Variants in CEP112 observed in about 807,000 individuals in gnomAD.
CEP112 encodes the protein centrosomal protein of 112 kDa.
CEP112 carries 127 observed loss-of-function variants against 153.0 expected under a neutral mutation model. That is an observed-to-expected ratio of 0.83 (90% confidence interval 0.72 to 0.96). The LOEUF (loss-of-function observed/expected upper bound fraction) is 0.96, where lower values mean the gene tolerates loss of function less well. Ranked by LOEUF, CEP112 falls within the 40% of genes least tolerant of loss-of-function variation. The pLI, the probability that CEP112 is intolerant of heterozygous loss-of-function variation, is 0.00. For missense variants in CEP112, 1,089 were observed against 1,101.2 expected, an observed-to-expected ratio of 0.99 and a Z score of 0.16; for synonymous variants, 358 against 374.4, an observed-to-expected ratio of 0.96 and a Z score of 0.51.
intron 21 of CEP112, among the ~76,000 whole-genome samples, chr17:65,824,030 A>T (rs1243292476): frequency 6.6e-6 from 1 of 152,212 alleles, no homozygotes; most frequent in Non-Finnish European, 1.5e-5. Flanking sequence ...TTTGGGAGAC[A>T]GTTTGGCAGT....
At chr17:65,658,294 G>A (rs2143767585) in intron 24 of CEP112, among the ~76,000 whole-genome samples, 1 of 152,352 alleles carries the variant, frequency 6.6e-6, no homozygotes, top group Non-Finnish European at 1.5e-5. Flanking sequence ...CAGGAGAGGA[G>A]ATTCTGGGAT....
At chr17:66,141,541 T>A (rs1027243244) in intron 4 of CEP112, among the ~76,000 whole-genome samples, 7 of 152,282 alleles carry the variant, frequency 4.6e-5, no homozygotes, top group Non-Finnish European at 7.4e-5. Context: ...TGAAATTTTA[T>A]ATGCATTGAA....
chr17:65,905,433 T>C (rs2060034098), intron 19 of CEP112, among the ~76,000 whole-genome samples: 1 of 152,124 alleles, frequency 6.6e-6, no homozygotes. Context: ...ATGGTGATCA[T>C]AAAAAGTCAG....
intron 24 of CEP112, among the ~76,000 whole-genome samples, chr17:65,650,730 TA>T (rs71361240): frequency 6.6e-3 from 290 of 44,226 alleles, no homozygotes; most frequent in Non-Finnish European, 9.8e-3. Context: ...AACTCTCTAC[TA>T]AAAAAAAAAA....
intron 24 of CEP112, among the ~76,000 whole-genome samples, chr17:65,646,943 T>C (rs1312928355): frequency 6.6e-6 from 1 of 152,146 alleles, no homozygotes; most frequent in Non-Finnish European, 1.5e-5. Context: ...CGCCTTCCCA[T>C]TGATTTTAAA....
At chr17:65,730,085 A>G (rs1050839427) in intron 23 of CEP112, among the ~76,000 whole-genome samples, 1 of 152,248 alleles carries the variant, frequency 6.6e-6, no homozygotes, top group Non-Finnish European at 1.5e-5. Flanking sequence ...GTATTCGCTC[A>G]TCAAACCTTA....
intron 17 of CEP112, among the ~76,000 whole-genome samples, chr17:65,989,870 A>G (rs2063535262): frequency 6.6e-6 from 1 of 152,224 alleles, no homozygotes; most frequent in Non-Finnish European, 1.5e-5. Flanking sequence ...CATAAAGTCT[A>G]AATGTGGAGA....
At chr17:65,728,918 A>G (rs1459447722) in intron 23 of CEP112, among the ~76,000 whole-genome samples, 1 of 151,950 alleles carries the variant, frequency 6.6e-6, no homozygotes, top group Non-Finnish European at 1.5e-5. Flanking sequence ...ATAAAACAAC[A>G]TTTTCTTTCT....
chr17:65,883,155 G>A (rs1368845095), intron 20 of CEP112, among the ~76,000 whole-genome samples: 1 of 151,994 alleles, frequency 6.6e-6, no homozygotes, highest in East Asian at 1.9e-4. Context: ...AAAGTGTTAT[G>A]AAGTTCACAA....
At chr17:66,024,557 A>G (rs1485689457) in intron 16 of CEP112, among the ~76,000 whole-genome samples, 1 of 138,566 alleles carries the variant, frequency 7.2e-6, no homozygotes, top group Non-Finnish European at 1.6e-5. Flanking sequence ...AAGCAATCCC[A>G]TTTACAATAG....
intron 12 of CEP112, among the ~76,000 whole-genome samples, chr17:66,042,682 T>A (rs905737993): frequency 1.2e-4 from 19 of 152,164 alleles, no homozygotes; most frequent in African/African-American, 4.6e-4. Context: ...GAAATCTGAA[T>A]AAATGAAAGA....
rs533426873 is a variant in CEP112 at position 65,728,403 on chromosome 17, G to A, written c.2607+14665C>T. ...ATACACATCAGAAAAAGAACAAGAG[G>A]TTGGTAGCTAGGAAGGGTTGCAAGA... On this transcript the variant is annotated intron_variant, in intron 23 of 26. Transcript: ENST00000535342. Among the ~76,000 whole-genome samples, 14 of 152,298 alleles carry A rather than the reference G, an allele frequency of 9.2e-5. No individual in the cohort carries two copies. In the South Asian group the frequency reaches 1.7e-3, roughly 18 times the overall value.
At chr17:65,833,292 CA>C (rs1241700354) in intron 21 of CEP112, among the ~76,000 whole-genome samples, 1 of 152,014 alleles carries the variant, frequency 6.6e-6, no homozygotes, top group African/African-American at 2.4e-5. Flanking sequence ...CCTTGAAAAA[CA>C]AAACAAGACA....
At chr17:66,040,416 T>C (rs1223378842) in intron 12 of CEP112, among the ~76,000 whole-genome samples, 2 of 152,096 alleles carry the variant, frequency 1.3e-5, no homozygotes, top group Non-Finnish European at 2.9e-5. Context: ...TTTTTCTATA[T>C]TTAAAATGCA....
intron 25 of CEP112, among the ~76,000 whole-genome samples, chr17:65,638,796 T>C (rs2044929868): frequency 6.6e-6 from 1 of 152,174 alleles, no homozygotes; most frequent in African/African-American, 2.4e-5. Context: ...GGCAGCACTC[T>C]CTTTCTGGGT....
chr17:65,654,056 C>CAAAAAAAAAAAAAA (rs773433478), intron 24 of CEP112, among the ~76,000 whole-genome samples: 11 of 26,876 alleles, frequency 4.1e-4, no homozygotes, highest in East Asian at 8.1e-4. Context: ...AAGACTCCAT[C>CAAAAAAAAAAAAAA]AAAAAAAAAA....
At chr17:66,035,856 G>A (rs1349391095) in intron 12 of CEP112, among the ~76,000 whole-genome samples, 1 of 152,166 alleles carries the variant, frequency 6.6e-6, no homozygotes, top group Non-Finnish European at 1.5e-5. Flanking sequence ...GAATAAAACA[G>A]CTTGCCACTG....
At chr17:66,116,147 C>A (rs183312797) in intron 6 of CEP112, among the ~76,000 whole-genome samples, 7 of 152,256 alleles carry the variant, frequency 4.6e-5, no homozygotes, top group Admixed American at 3.9e-4. Flanking sequence ...ACCAACTTTT[C>A]CTTGAAATTT....
chr17:66,169,402 G>C (rs1421394323), intron 4 of CEP112, among the ~76,000 whole-genome samples: 1 of 151,232 alleles, frequency 6.6e-6, no homozygotes, highest in Non-Finnish European at 1.5e-5. Flanking sequence ...TCCTGCCTCG[G>C]CCTCCCGAGT....
Sources: gnomAD v4.1 joint callset for allele counts (sites outside exome capture counted in the v4.1 genomes callset) on GRCh38, gnomAD v4.1.1 for gene constraint, MANE v1.5 for transcripts, NCBI Gene and HGNC (gene_info 2026-07-23, HGNC 2026-07-21) for gene names.